The following TERF2IP variants were observed in gnomAD, a reference collection of about 807,000 sequenced individuals.
TERF2IP encodes TERF2 interacting protein.
Under a neutral mutation model 33.3 loss-of-function variants are expected in TERF2IP, and 35 were observed. The ratio of observed to expected loss-of-function variants is 1.05; its 90% confidence interval spans 0.80 to 1.39. The LOEUF (loss-of-function observed/expected upper bound fraction) is 1.39. Among genes scored for constraint, TERF2IP ranks in the 40% most tolerant of loss-of-function variants. TERF2IP has a pLI of 0.00. For synonymous variants in TERF2IP, 253 were observed against 223.2 expected (o/e 1.13, Z -1.19); for missense variants, 583 against 524.8 (o/e 1.11, Z -1.08).
In TERF2IP at chr16:75,656,431, TGGTG is replaced by T. The variant is rs2082386852; in HGVS notation, c.1021_1024del (p.Gly341SerfsTer9). The T allele has an allele frequency of 6.2e-7, 1 of 1,614,000 alleles. No homozygotes were observed. The highest frequency in any genetic ancestry group is 1.3e-5 in the African/African-American group (1 of 74,898). ...TTACACAGGCCTTCCTAAAAAATAG[TGGTG>T]AGCTGGAGGCTACTTCCGCCTTCTT... On this transcript the variant is annotated frameshift_variant, in exon 3 of 3. Transcript: ENST00000300086. LOFTEE classifies it high-confidence loss of function.
In TERF2IP at chr16:75,648,178, A is replaced by T; in HGVS notation, c.296A>T (p.Tyr99Phe). The T allele has an allele frequency of 6.4e-7, 1 of 1,560,606 alleles. No individual in the cohort carries two copies. Among genetic ancestry groups the T allele is most frequent in the Non-Finnish European group, 8.7e-7 (1 of 1,155,212 alleles). The change falls in exon 1 of 3, where the codon TAT becomes TTT. Residue 99 changes from tyrosine (Y) to phenylalanine (F), a missense_variant. Physicochemically the swap from Tyr to Phe is conservative, Grantham distance 22. Coordinates refer to ENST00000300086, the MANE Select transcript of TERF2IP (RefSeq NM_018975.4). ...ERNERLELEA[Y>F]RLGPASAADT... ...AACGAGAGGCTGGAGCTGGAGGCCT[A>T]TCGGCTGGGCCCCGCCTCGGCGGCG...
chr16:75,650,482 T>C (rs2082338970), intron 1 of TERF2IP, among the ~76,000 whole-genome samples: 1 of 152,198 alleles, frequency 6.6e-6, no homozygotes, highest in African/African-American at 2.4e-5. Context: ...GGGCTATGTG[T>C]ATGGGTGAAG....
At chr16:75,656,111 G>A (rs2082383499) in intron 2 of TERF2IP, 96 bp from the exon 3 acceptor site, 2 of 1,225,106 alleles carry the variant, frequency 1.6e-6, no homozygotes, top group East Asian at 4.7e-5. Context: ...TGATTGGAAT[G>A]CAGAGGGCAA....
rs2082317976 is a variant in TERF2IP, at chr16:75,648,267, C to T, written c.385C>T (p.Arg129Trp). The T allele has an allele frequency of 1.9e-6, 3 of 1,548,554 alleles. No individual in the cohort carries two copies. The highest frequency in any genetic ancestry group is 2.6e-6 in the Non-Finnish European group (3 of 1,145,782). The change falls in exon 1 of 3, where the codon CGG (arginine) becomes TGG (tryptophan). Residue 129 changes from arginine to tryptophan, a missense_variant. By Grantham distance (101) the Arg-to-Trp change is moderately radical. Coordinates refer to ENST00000300086, the MANE Select transcript of TERF2IP (RefSeq NM_018975.4). Reference sequence around the variant, plus strand: ...GGGCGCCGCGGAGCCGGAGCCGCAGCGGCACGCCGGGCGGATCGCCTTCAC... The same window carrying T: ...GGGCGCCGCGGAGCCGGAGCCGCAGTGGCACGCCGGGCGGATCGCCTTCAC... ...AEGAAEPEPQRHAGRIAFTDA... is the reference protein window; with the variant it reads ...AEGAAEPEPQWHAGRIAFTDA...
In TERF2IP at chr16:75,652,249, C is replaced by T. The variant is rs148230005; in HGVS notation, c.671-2024C>T. Among the ~76,000 whole-genome samples, 521 of 152,328 alleles carry T rather than the reference C, an allele frequency of 3.4e-3. 2 individuals carry two copies. The highest frequency in any genetic ancestry group is 5.4e-3 in the Non-Finnish European group (364 of 68,032). ...TCCCCTTTGCTCATAGTAATACTAG[C>T]ACACTAGACATCAACTTAATCTGTG... On this transcript the variant is annotated intron_variant, in intron 1 of 2. Coordinates refer to ENST00000300086, the MANE Select transcript of TERF2IP (RefSeq NM_018975.4).
intron 1 of TERF2IP, among the ~76,000 whole-genome samples, chr16:75,653,847 C>T (rs1358819743): frequency 6.6e-6 from 1 of 152,064 alleles, no homozygotes; most frequent in East Asian, 1.9e-4. Flanking sequence ...CTCTCTCTGC[C>T]CACTCCTGCT....
chr16:75,648,667 C>T, intron 1 of TERF2IP, 115 bp downstream of exon 1: 1 of 1,435,014 alleles, frequency 7.0e-7, no homozygotes, highest in Non-Finnish European at 9.1e-7. Flanking sequence ...TGGCCCCGCC[C>T]CCTGTTGACA....
rs1472978238 is a variant in TERF2IP, at chr16:75,648,429, C to A, written c.547C>A (p.Arg183Ser). The A allele has an allele frequency of 6.2e-7, 1 of 1,604,812 alleles. No individual in the cohort carries two copies. Among genetic ancestry groups the A allele is most frequent in the South Asian group, 1.1e-5 (1 of 89,118 alleles). ...TQHSWQSLKD[R>S]YLKHLRGQEH... Reference sequence around the variant, plus strand: ...GCACTCGTGGCAGTCCCTGAAGGACCGCTACCTCAAGCACCTGCGGGGCCA... The same window carrying A: ...GCACTCGTGGCAGTCCCTGAAGGACAGCTACCTCAAGCACCTGCGGGGCCA... Residue 183 changes from arginine to serine, a missense_variant, in exon 1 of 3, where the codon CGC becomes AGC. Arg to Ser is a moderately radical substitution (Grantham distance 110). Transcript: ENST00000300086.
rs367737976 is a variant in TERF2IP, at chr16:75,654,895, ATTAT to A, written c.795+501_795+504del. 4.4e-3 allele frequency among the ~76,000 whole-genome samples: 657 copies of A among 150,558 alleles called. 5 individuals carry two copies. Among genetic ancestry groups the A allele is most frequent in the African/African-American group, 0.015 (605 of 40,936 alleles). ...AGGCGCCCACCACCATGCCTGGCTAATTATTTGTATTTTTAGTAGAGACGGGGTT... is the reference window on the plus strand; with the variant it reads ...AGGCGCCCACCACCATGCCTGGCTAATTGTATTTTTAGTAGAGACGGGGTT... On this transcript the variant is annotated intron_variant, in intron 2 of 2. Coordinates refer to ENST00000300086, the MANE Select transcript of TERF2IP (RefSeq NM_018975.4).
At chr16:75,648,757 G>A in intron 1 of TERF2IP, 2 of 1,390,846 alleles carry the variant, frequency 1.4e-6, no homozygotes, top group Non-Finnish European at 1.9e-6. Flanking sequence ...ATGGGTCTCT[G>A]TTACCTAAGC....
chr16:75,654,938 C>A (rs915916056), intron 2 of TERF2IP, among the ~76,000 whole-genome samples: 1 of 152,162 alleles, frequency 6.6e-6, no homozygotes, highest in African/African-American at 2.4e-5. Flanking sequence ...CTGTGTTAGC[C>A]AGGATGGCCT....
At chr16:75,653,973 CTG>C (rs1173627573) in intron 1 of TERF2IP, among the ~76,000 whole-genome samples, 1 of 152,082 alleles carries the variant, frequency 6.6e-6, no homozygotes, top group Non-Finnish European at 1.5e-5. Flanking sequence ...TTTGCAAAGT[CTG>C]TAACTACAAA....
At chr16:75,651,645 A>C (rs1294647576) in intron 1 of TERF2IP, among the ~76,000 whole-genome samples, 1 of 152,138 alleles carries the variant, frequency 6.6e-6, no homozygotes, top group African/African-American at 2.4e-5. Flanking sequence ...GCTGAGATCA[A>C]GCCCCTGCAC....
chr16:75,649,569 C>T (rs1160141275), intron 1 of TERF2IP, among the ~76,000 whole-genome samples: 1 of 152,024 alleles, frequency 6.6e-6, no homozygotes, highest in Non-Finnish European at 1.5e-5. Flanking sequence ...TTATCTCGTC[C>T]TTCCTGTCCA....
At chr16:75,654,172 AAG>A (rs1157629548) in intron 1 of TERF2IP, 99 bp from the exon 2 acceptor site, 28 of 844,772 alleles carry the variant, frequency 3.3e-5, no homozygotes, top group Admixed American at 1.2e-4. Context: ...AAAAAAAAAA[AAG>A]TGCAGGCTCA....
chr16:75,654,862 G>A (rs1410152461), intron 2 of TERF2IP, among the ~76,000 whole-genome samples: 1 of 151,960 alleles, frequency 6.6e-6, no homozygotes, highest in Admixed American at 6.6e-5. Context: ...CCGAGTAGCT[G>A]GGACTACAGG....
intron 1 of TERF2IP, among the ~76,000 whole-genome samples, chr16:75,650,457 T>C (rs1190950054): frequency 6.6e-6 from 1 of 152,220 alleles, no homozygotes; most frequent in African/African-American, 2.4e-5. Context: ...GAATTAATTA[T>C]AGCAGATGAG....
chr16:75,654,120 T>C (rs1454010744), intron 1 of TERF2IP, among the ~76,000 whole-genome samples, 153 bp from the exon 2 acceptor site: 2 of 137,044 alleles, frequency 1.5e-5, no homozygotes, highest in African/African-American at 5.7e-5. Context: ...TTTACCCTTC[T>C]GAATCAAGAA....
Position 75,647,787 on chromosome 16 carries a change from C to G in TERF2IP, c.-96C>G. ...TGCGCAGGCCCAGTGCTGCGCTTCG[C>G]GGCAGAGGCGTCTGCGGTGACAGCT... On this transcript the variant is annotated 5_prime_UTR_variant, in exon 1 of 3. Coordinates refer to ENST00000300086, the MANE Select transcript of TERF2IP (RefSeq NM_018975.4). 6.3e-7 allele frequency: 1 copy of G among 1,575,620 alleles called. No individual in the cohort carries two copies. Among genetic ancestry groups the G allele is most frequent in the African/African-American group, 1.4e-5 (1 of 74,048 alleles).
Sources: allele counts gnomAD v4.1 joint callset (sites outside exome capture counted in the v4.1 genomes callset), GRCh38; gene constraint gnomAD v4.1.1; transcripts MANE v1.5; gene names NCBI Gene and HGNC (gene_info 2026-07-23, HGNC 2026-07-21).